Variants in IGF2BP3 observed in about 807,000 individuals in gnomAD.
The protein encoded by IGF2BP3 is insulin like growth factor 2 mRNA binding protein 3, also known as insulin-like growth factor 2 mRNA-binding protein 3.
IGF2BP3 carries 9 observed loss-of-function variants against 73.8 expected under a neutral mutation model. The ratio of observed to expected loss-of-function variants is 0.12; its 90% CI spans 0.07 to 0.21. IGF2BP3 has a LOEUF of 0.21. Ranked by LOEUF, IGF2BP3 falls within the 10% of genes least tolerant of loss-of-function variation. IGF2BP3 has a pLI of 1.00. For synonymous variants in IGF2BP3, 258 were observed against 256.7 expected (o/e 1.01, Z -0.05); for missense variants, 542 against 714.0 (o/e 0.76, Z 2.75).
At chr7:23,441,574 TAAAAAA>T (rs769391858) in intron 2 of IGF2BP3, among the ~76,000 whole-genome samples, 2 of 56,948 alleles carry the variant, frequency 3.5e-5, no homozygotes, top group Non-Finnish European at 6.5e-5. Flanking sequence ...CTCCATCTCT[TAAAAAA>T]AAAAAAAAAA....
At chr7:23,318,073 C>G (rs1478856313) in intron 11 of IGF2BP3, among the ~76,000 whole-genome samples, 1 of 152,168 alleles carries the variant, frequency 6.6e-6, no homozygotes, top group Non-Finnish European at 1.5e-5. Context: ...AGAGGGAGAG[C>G]TGGGTCTGTC....
At chr7:23,422,623 G>T (rs528455977) in intron 2 of IGF2BP3, among the ~76,000 whole-genome samples, 1 of 152,264 alleles carries the variant, frequency 6.6e-6, no homozygotes, top group South Asian at 2.1e-4. Flanking sequence ...CATACTCAAG[G>T]ATCCCACGGA....
intron 6 of IGF2BP3, among the ~76,000 whole-genome samples, chr7:23,348,253 T>C (rs972261861): frequency 1.3e-5 from 2 of 152,214 alleles, no homozygotes; most frequent in African/African-American, 2.4e-5. Context: ...CGAACAGTGA[T>C]AGGAATGGAA....
intron 6 of IGF2BP3, among the ~76,000 whole-genome samples, chr7:23,348,995 CAT>C (rs951690984): frequency 1.3e-5 from 2 of 152,268 alleles, no homozygotes; most frequent in Non-Finnish European, 2.9e-5. Flanking sequence ...TAAAGTCACA[CAT>C]GTTAGTAGAT....
intron 3 of IGF2BP3, among the ~76,000 whole-genome samples, chr7:23,381,716 G>T (rs1028940315): frequency 6.6e-6 from 1 of 151,862 alleles, no homozygotes; most frequent in African/African-American, 2.4e-5. Context: ...TTACAGGCAC[G>T]TACCACCACG....
At chr7:23,442,888 T>C (rs913980782) in intron 2 of IGF2BP3, among the ~76,000 whole-genome samples, 12 of 152,262 alleles carry the variant, frequency 7.9e-5, no homozygotes, top group Admixed American at 7.2e-4. Context: ...GGTGGCAGTA[T>C]GTAAACCAAA....
intron 3 of IGF2BP3, among the ~76,000 whole-genome samples, chr7:23,382,681 G>C (rs1284578469): frequency 6.6e-6 from 1 of 151,922 alleles, no homozygotes; most frequent in African/African-American, 2.4e-5. Context: ...TTGCCCATTA[G>C]TGACACCTCA....
intron 3 of IGF2BP3, among the ~76,000 whole-genome samples, chr7:23,383,095 A>G (rs1007283713): frequency 2.0e-5 from 3 of 151,936 alleles, no homozygotes; most frequent in African/African-American, 7.3e-5. Flanking sequence ...CACCTAAGCA[A>G]AGCCATGTGT....
At chr7:23,361,289 T>A (rs1301076804) in intron 5 of IGF2BP3, 1 of 365,398 alleles carries the variant, frequency 2.7e-6, no homozygotes, top group East Asian at 5.2e-5. Flanking sequence ...TGTGATTCAG[T>A]TTCATACTAG....
chr7:23,357,752 T>A (rs530236347), intron 5 of IGF2BP3, among the ~76,000 whole-genome samples: 1 of 152,394 alleles, frequency 6.6e-6, no homozygotes, highest in African/African-American at 2.4e-5. Context: ...ACACATGTAT[T>A]AATATTTTCT....
chr7:23,328,676 G>A (rs950992282), intron 10 of IGF2BP3, among the ~76,000 whole-genome samples: 2 of 152,172 alleles, frequency 1.3e-5, no homozygotes, highest in African/African-American at 4.8e-5. Context: ...AAAATAGCAA[G>A]AATTTGTCTA....
chr7:23,367,303 C>T (rs900932884), intron 3 of IGF2BP3, among the ~76,000 whole-genome samples: 2 of 152,078 alleles, frequency 1.3e-5, no homozygotes, highest in Non-Finnish European at 2.9e-5. Context: ...CTGCATTAAA[C>T]AGGAAGATAA....
At chr7:23,351,713 C>A (rs1784967096) in intron 5 of IGF2BP3, 127 bp from the exon 6 acceptor site, 10 of 957,310 alleles carry the variant, frequency 1.0e-5, no homozygotes, top group Non-Finnish European at 9.2e-6. Flanking sequence ...AGCCCCAGCA[C>A]AAGCAGCAAA....
At chr7:23,340,771 C>A (rs1784688115) in intron 10 of IGF2BP3, among the ~76,000 whole-genome samples, 1 of 152,110 alleles carries the variant, frequency 6.6e-6, no homozygotes, top group Admixed American at 6.5e-5. Context: ...CATACCATCA[C>A]TAGTCTCCTA....
intron 3 of IGF2BP3, among the ~76,000 whole-genome samples, chr7:23,384,599 A>T (rs546252607): frequency 4.2e-4 from 63 of 151,602 alleles, no homozygotes; most frequent in Middle Eastern, 6.9e-3. Flanking sequence ...TTATAAAACA[A>T]CCTGGTAGGC....
chr7:23,313,964 G>C (rs377133106), intron 12 of IGF2BP3, among the ~76,000 whole-genome samples: 2 of 152,172 alleles, frequency 1.3e-5, no homozygotes, highest in Admixed American at 1.3e-4. Context: ...ATGGCCATTC[G>C]TACTAAAATT....
intron 3 of IGF2BP3, among the ~76,000 whole-genome samples, chr7:23,391,578 A>G (rs930322086): frequency 1.3e-5 from 2 of 152,198 alleles, no homozygotes; most frequent in Non-Finnish European, 2.9e-5. Flanking sequence ...CTTCTTTGGA[A>G]CTGAGCCCCA....
rs144920641 is a variant in IGF2BP3, at chr7:23,357,398, T to C, written c.401+4136A>G. On this transcript the variant is annotated intron_variant, in intron 5 of 14. Coordinates refer to ENST00000258729, the MANE Select transcript of IGF2BP3 (RefSeq NM_006547.3). ...AAGCAATTCTCCTGCCTCAGAATGA[T>C]TGAAGTTTCAAAGTATGAATAAACA... is the stretch of plus-strand genomic sequence containing the variant. Among the ~76,000 whole-genome samples the C allele has an allele frequency of 7.6e-4, 116 of 152,214 alleles. 1 individual carries two copies. In the East Asian group the frequency reaches 0.019, roughly 24 times the overall value.
chr7:23,336,569 G>T (rs997636837), intron 10 of IGF2BP3, among the ~76,000 whole-genome samples: 4 of 151,590 alleles, frequency 2.6e-5, no homozygotes, highest in African/African-American at 9.7e-5. Flanking sequence ...GCAGTGGCAC[G>T]ATCTCGGCTC....
Sources: gnomAD v4.1 joint callset for allele counts (sites outside exome capture counted in the v4.1 genomes callset) on GRCh38, gnomAD v4.1.1 for gene constraint, MANE v1.5 for transcripts, NCBI Gene and HGNC (gene_info 2026-07-23, HGNC 2026-07-21) for gene names.